The following SMG1 variants were observed in gnomAD, a reference collection of about 807,000 sequenced individuals.
SMG1 encodes SMG1 nonsense mediated mRNA decay associated PI3K related kinase, also known as serine/threonine-protein kinase SMG1.
SMG1 carries 22 observed loss-of-function variants against 419.9 expected under a neutral mutation model. The ratio of observed to expected loss-of-function variants is 0.05; its 90% CI spans 0.04 to 0.07. The LOEUF (loss-of-function observed/expected upper bound fraction) is 0.07. Among genes scored for constraint, SMG1 ranks in the 10% least tolerant of loss-of-function variants. The probability of loss-of-function intolerance (pLI) is 1.00; values close to 1 mark genes in which losing one functional copy is unlikely to be tolerated. For missense variants in SMG1, 3,185 were observed against 4,342.0 expected (o/e 0.73, Z 7.49); for synonymous variants, 1,538 against 1,553.5 (o/e 0.99, Z 0.23).
chr16:18,842,801 G>T (rs1388107933), intron 39 of SMG1, among the ~76,000 whole-genome samples: 2 of 152,158 alleles, frequency 1.3e-5, no homozygotes, highest in African/African-American at 2.4e-5. Flanking sequence ...CTACATGCCA[G>T]CCTGTGTGAG....
At chr16:18,847,259 G>A (rs956082669) in intron 38 of SMG1, among the ~76,000 whole-genome samples, 194 bp downstream of exon 38, 11 of 152,156 alleles carry the variant, frequency 7.2e-5, no homozygotes, top group African/African-American at 2.7e-4. Context: ...TTTTTAATGA[G>A]TACAGAGCTT....
At chr16:18,903,863 C>A (rs1431221494) in intron 1 of SMG1, among the ~76,000 whole-genome samples, 1 of 150,556 alleles carries the variant, frequency 6.6e-6, no homozygotes, top group Non-Finnish European at 1.5e-5. Context: ...CATAATGGAA[C>A]AAATAAACCT....
At chr16:18,863,546 C>T (rs1289139168) in intron 25 of SMG1, 104 bp downstream of exon 25, 3 of 1,035,888 alleles carry the variant, frequency 2.9e-6, no homozygotes, top group Non-Finnish European at 4.4e-6. Flanking sequence ...GATATATAAC[C>T]ATTTTGTATT....
At chr16:18,888,504 C>T (rs2036736919) in intron 6 of SMG1, among the ~76,000 whole-genome samples, 1 of 149,606 alleles carries the variant, frequency 6.7e-6, no homozygotes, top group East Asian at 2.0e-4. Flanking sequence ...GAGACAGAGT[C>T]TGGCTCTGTT....
chr16:18,831,087 T>A (rs982439564), intron 51 of SMG1, among the ~76,000 whole-genome samples: 4 of 152,190 alleles, frequency 2.6e-5, no homozygotes, highest in Non-Finnish European at 5.9e-5. Flanking sequence ...TGGGTATGCT[T>A]GGTTTTTATT....
At chr16:18,914,196 A>G (rs1295888853) in intron 1 of SMG1, among the ~76,000 whole-genome samples, 1 of 151,898 alleles carries the variant, frequency 6.6e-6, no homozygotes, top group Non-Finnish European at 1.5e-5. Flanking sequence ...GTCCCTCTGA[A>G]AAAAGTTTTA....
At chr16:18,861,911 A>G (rs921996751) in intron 25 of SMG1, among the ~76,000 whole-genome samples, 13 of 152,220 alleles carry the variant, frequency 8.5e-5, no homozygotes, top group African/African-American at 1.2e-4. Flanking sequence ...GAGAAAAGGT[A>G]AGGGCCAGTT....
At chr16:18,920,981 C>T (rs943895797) in intron 1 of SMG1, among the ~76,000 whole-genome samples, 4 of 151,860 alleles carry the variant, frequency 2.6e-5, no homozygotes, top group African/African-American at 9.7e-5. Context: ...CCACTAAAAA[C>T]ACAAAAATTA....
At chr16:18,923,506 C>T (rs2142041768) in intron 1 of SMG1, among the ~76,000 whole-genome samples, 1 of 152,048 alleles carries the variant, frequency 6.6e-6, no homozygotes, top group East Asian at 1.9e-4. Flanking sequence ...TAGCTGGACG[C>T]CTGTAATCCC....
At chr16:18,870,283 T>C (rs1277805423) in intron 18 of SMG1, among the ~76,000 whole-genome samples, 4 of 152,238 alleles carry the variant, frequency 2.6e-5, no homozygotes, top group Non-Finnish European at 5.9e-5. Flanking sequence ...GTTTAGGCTC[T>C]TAAAGCTCCC....
At chr16:18,899,486 T>A (rs1850599) in intron 1 of SMG1, among the ~76,000 whole-genome samples, 2 of 151,938 alleles carry the variant, frequency 1.3e-5, no homozygotes, top group Non-Finnish European at 2.9e-5. Flanking sequence ...AGAACTCAGG[T>A]TGTAAGCATT....
At chr16:18,827,958 G>A (rs2032867198) in intron 55 of SMG1, 73 bp downstream of exon 55, 12 of 1,491,904 alleles carry the variant, frequency 8.0e-6, no homozygotes. Context: ...CTGAACAACA[G>A]AGCACTAACA....
At position 18,876,412 on chromosome 16, in the gene SMG1, A is replaced by C. The variant is rs565660294; in HGVS notation, c.1621-19T>G. 1.8e-5 allele frequency: 29 copies of C among 1,578,766 alleles called. No individual in the cohort carries two copies. The South Asian group carries it at 3.3e-4, about 18-fold the overall frequency. On this transcript the variant is annotated intron_variant, in intron 12 of 62. Transcript: ENST00000446231. ...CAACAACCTGAAAAACAAAAAATTC[A>C]AGGAAGTGATAAATGGAAAATAAAT...
In SMG1 at chr16:18,866,743, C is replaced by A. The variant is rs2035532493; in HGVS notation, c.3228G>T (p.Val1076=). 9.4e-6 allele frequency: 15 copies of A among 1,597,228 alleles called. No individual in the cohort carries two copies. The highest frequency in any genetic ancestry group is 1.3e-5 in the Non-Finnish European group (15 of 1,179,502). ...AATGAAGTTCACATAATGCTTCTACCACCATCATAATGGTTACTTCCAATT... is the reference window on the plus strand; with the variant it reads ...AATGAAGTTCACATAATGCTTCTACAACCATCATAATGGTTACTTCCAATT... The part of the protein sequence containing the change: ...GNELEVTIMM[V]VEALCELHCP... The change falls in exon 23 of 63, where the codon GTG becomes GTT. Residue 1076 remains valine (V), a synonymous_variant. Transcript: ENST00000446231.
intron 62 of SMG1, 109 bp from the exon 63 acceptor site, chr16:18,809,755 A>G: frequency 2.7e-6 from 2 of 738,060 alleles, no homozygotes; most frequent in Non-Finnish European, 4.7e-6. Flanking sequence ...AAAGGACTCT[A>G]TACTTACCCT....
intron 1 of SMG1, among the ~76,000 whole-genome samples, chr16:18,907,004 G>A (rs1475597666): frequency 6.6e-6 from 1 of 152,118 alleles, no homozygotes; most frequent in Admixed American, 6.6e-5. Flanking sequence ...AAAATTCTTG[G>A]CTGGCATAGT....
chr16:18,867,405 G>C (rs1447762044), intron 22 of SMG1, among the ~76,000 whole-genome samples: 1 of 151,802 alleles, frequency 6.6e-6, no homozygotes, highest in Non-Finnish European at 1.5e-5. Flanking sequence ...ATGGTGGCGG[G>C]TGCCTGTAAT....
At chr16:18,866,363 C>T in intron 23 of SMG1, 1 of 510,990 alleles carries the variant, frequency 2.0e-6, no homozygotes, top group East Asian at 3.6e-5. Context: ...GGATCAAGTT[C>T]AAAAGCATTT....
intron 1 of SMG1, among the ~76,000 whole-genome samples, chr16:18,907,325 G>A (rs1212039439): frequency 1.3e-5 from 2 of 151,256 alleles, no homozygotes; most frequent in Non-Finnish European, 2.9e-5. Flanking sequence ...ACACCTAAAT[G>A]CACCAAGTTC....
Sources: gnomAD v4.1 joint callset for allele counts (sites outside exome capture counted in the v4.1 genomes callset) on GRCh38, gnomAD v4.1.1 for gene constraint, MANE v1.5 for transcripts, NCBI Gene and HGNC (gene_info 2026-07-23, HGNC 2026-07-21) for gene names.